GMDS: variants seen among roughly 807,000 people sequenced by gnomAD.
The protein encoded by GMDS is GDP-mannose 4,6 dehydratase.
In GMDS, 20 loss-of-function variants were observed where a neutral mutation model predicts 49.9. That is an observed-to-expected ratio of 0.40 (90% confidence interval 0.28 to 0.58). The LOEUF (loss-of-function observed/expected upper bound fraction) is 0.58, where lower values mean the gene tolerates loss of function less well. Ranked by LOEUF, GMDS falls within the 20% of genes least tolerant of loss-of-function variation. GMDS has a pLI of 0.42. For missense variants in GMDS, 362 were observed against 481.4 expected, an observed-to-expected ratio of 0.75 and a Z score of 2.32; for synonymous variants, 177 against 178.6, an observed-to-expected ratio of 0.99 and a Z score of 0.07.
intron 1 of GMDS, among the ~76,000 whole-genome samples, chr6:2,140,953 G>T (rs1776253290): frequency 6.6e-6 from 1 of 152,148 alleles, no homozygotes; most frequent in Admixed American, 6.5e-5. Context: ...CCTCCTCTGG[G>T]AAGTGCTCCT....
intron 7 of GMDS, among the ~76,000 whole-genome samples, chr6:1,877,443 C>G (rs1003792076): frequency 4.0e-5 from 6 of 151,794 alleles, no homozygotes; most frequent in Non-Finnish European, 1.5e-5. Context: ...AGTTCGAGAC[C>G]AGCCTGGGCA....
chr6:1,863,485 T>C (rs2113789443), intron 7 of GMDS, among the ~76,000 whole-genome samples: 1 of 152,264 alleles, frequency 6.6e-6, no homozygotes, highest in African/African-American at 2.4e-5. Flanking sequence ...AAATATTGTG[T>C]GTGTGCGTGC....
chr6:2,121,630 C>A (rs1775144364), intron 2 of GMDS, among the ~76,000 whole-genome samples: 1 of 152,184 alleles, frequency 6.6e-6, no homozygotes, highest in Non-Finnish European at 1.5e-5. Flanking sequence ...TGATTAACCA[C>A]AACTAATCAA....
In GMDS at chr6:1,846,545, C is replaced by T. The variant is rs192353856; in HGVS notation, c.771+83558G>A. Among the ~76,000 whole-genome samples the T allele has an allele frequency of 1.3e-4, 20 of 152,306 alleles. No homozygotes were observed. The East Asian group carries it at 3.5e-3, about 26-fold the overall frequency. On this transcript the variant is annotated intron_variant, in intron 7 of 10. Coordinates refer to ENST00000380815, the MANE Select transcript of GMDS (RefSeq NM_001500.4). The stretch of plus-strand genomic sequence containing the variant: ...CATTGATAGGAAAGATGGGAAAACT[C>T]TAAGAGGCTGGCAGGGACAGGGAAA...
chr6:1,644,658 G>A (rs1037817115), intron 9 of GMDS, among the ~76,000 whole-genome samples: 2 of 152,226 alleles, frequency 1.3e-5, no homozygotes, highest in Admixed American at 1.3e-4. Flanking sequence ...CGCCCAGGAA[G>A]GAGATCCCAA....
At chr6:1,692,057 C>T (rs1279936177) in intron 9 of GMDS, among the ~76,000 whole-genome samples, 1 of 152,184 alleles carries the variant, frequency 6.6e-6, no homozygotes, top group Non-Finnish European at 1.5e-5. Flanking sequence ...TAAAAGCAGA[C>T]ATGGGAAGGG....
intron 1 of GMDS, among the ~76,000 whole-genome samples, chr6:2,231,572 A>C (rs1235716571): frequency 6.6e-6 from 1 of 152,170 alleles, no homozygotes; most frequent in Non-Finnish European, 1.5e-5. Flanking sequence ...TCCAAAAAAA[A>C]AGCCTAAGGA....
intron 7 of GMDS, among the ~76,000 whole-genome samples, chr6:1,860,041 T>G (rs1758111721): frequency 6.6e-6 from 1 of 152,196 alleles, no homozygotes; most frequent in South Asian, 2.1e-4. Flanking sequence ...AGACTTCATA[T>G]TGTAGTGAAT....
intron 4 of GMDS, among the ~76,000 whole-genome samples, chr6:1,972,679 C>T (rs557507181): frequency 2.0e-5 from 3 of 152,288 alleles, no homozygotes; most frequent in Admixed American, 2.0e-4. Context: ...AAGCCACAAT[C>T]CTCAGTAGTA....
intron 6 of GMDS, among the ~76,000 whole-genome samples, chr6:1,939,582 T>TAC (rs71769614): frequency 0.012 from 1,485 of 120,524 alleles, 24 homozygotes; most frequent in African/African-American, 0.036. Flanking sequence ...TACATATATA[T>TAC]ACACACACAC....
At chr6:1,964,428 T>C (rs1166452163) in intron 4 of GMDS, among the ~76,000 whole-genome samples, 3 of 152,216 alleles carry the variant, frequency 2.0e-5, no homozygotes, top group Non-Finnish European at 2.9e-5. Context: ...CGAGTATATA[T>C]TATTTAATCC....
intron 4 of GMDS, among the ~76,000 whole-genome samples, chr6:2,062,539 A>C (rs921002837): frequency 9.2e-5 from 14 of 152,194 alleles, no homozygotes; most frequent in African/African-American, 3.4e-4. Context: ...TTAGAAAAAA[A>C]AATCCTCATG....
At chr6:1,991,122 C>G (rs1265284213) in intron 4 of GMDS, among the ~76,000 whole-genome samples, 1 of 152,116 alleles carries the variant, frequency 6.6e-6, no homozygotes, top group Non-Finnish European at 1.5e-5. Flanking sequence ...TTACCTCACC[C>G]AGAAAACAGA....
chr6:1,685,307 C>T (rs1023430860), intron 9 of GMDS, among the ~76,000 whole-genome samples: 1 of 151,874 alleles, frequency 6.6e-6, no homozygotes, highest in African/African-American at 2.4e-5. Context: ...AGGCTGAGGC[C>T]GGAGCCGAGA....
intron 1 of GMDS, among the ~76,000 whole-genome samples, chr6:2,161,955 A>C (rs1581731859): frequency 6.6e-6 from 1 of 152,226 alleles, no homozygotes; most frequent in Non-Finnish European, 1.5e-5. Flanking sequence ...GATAAGCTAC[A>C]ATACAGCTAA....
chr6:1,798,235 G>C (rs1769812893), intron 7 of GMDS, among the ~76,000 whole-genome samples: 1 of 104,818 alleles, frequency 9.5e-6, no homozygotes, highest in African/African-American at 4.0e-5. Context: ...TCTAATTACA[G>C]AGCACACACA....
chr6:2,094,833 A>G (rs1489020730), intron 4 of GMDS, among the ~76,000 whole-genome samples: 5 of 152,190 alleles, frequency 3.3e-5, no homozygotes, highest in Non-Finnish European at 7.3e-5. Context: ...AGCTACAGAA[A>G]AGACCCCTGC....
rs3839602 is a variant in GMDS, at chr6:1,871,058, G to GCACACACACACA, written c.771+59033_771+59044dup. Among the ~76,000 whole-genome samples the GCACACACACACA allele has an allele frequency of 2.1e-3, 316 of 147,208 alleles. 3 individuals are homozygous for GCACACACACACA. The highest frequency in any genetic ancestry group is 7.4e-3 in the African/African-American group (298 of 40,288). ...CACCCATCCATATCACTATCCCCCA[G>GCACACACACACA]CACACACACACACACACACACACAC... On this transcript the variant is annotated intron_variant, in intron 7 of 10. Transcript: ENST00000380815.
intron 7 of GMDS, among the ~76,000 whole-genome samples, chr6:1,821,588 G>A (rs556545408): frequency 6.8e-6 from 1 of 147,698 alleles, no homozygotes; most frequent in Admixed American, 6.8e-5. Context: ...CTCATGAATA[G>A]CGCAGCTGCT....
Sources: allele counts gnomAD v4.1 joint callset (sites outside exome capture counted in the v4.1 genomes callset), GRCh38; gene constraint gnomAD v4.1.1; transcripts MANE v1.5; gene names NCBI Gene and HGNC (gene_info 2026-07-23, HGNC 2026-07-21).